FAM107B: variants seen among roughly 807,000 people sequenced by gnomAD.
FAM107B encodes protein FAM107B.
FAM107B carries 21 observed loss-of-function variants against 31.5 expected under a neutral mutation model. The observed-to-expected ratio is 0.67, with a 90% CI of 0.47 to 0.96. The LOEUF (loss-of-function observed/expected upper bound fraction) is 0.96, where lower values mean the gene tolerates loss of function less well. Ranked by LOEUF, FAM107B falls within the 40% of genes least tolerant of loss-of-function variation. The pLI is 0.00. For missense variants in FAM107B, 452 were observed against 377.1 expected (o/e 1.20, Z -1.64); for synonymous variants, 157 against 141.5 (o/e 1.11, Z -0.78).
chr10:14,609,458 A>G (rs12253815), intron 2 of FAM107B, among the ~76,000 whole-genome samples: 1,933 of 152,264 alleles, frequency 0.013, 41 homozygotes, highest in African/African-American at 0.043. Flanking sequence ...CTGTCAGCTG[A>G]GAGCTACTCT....
chr10:14,739,266 G>A (rs900163941), intron 1 of FAM107B, among the ~76,000 whole-genome samples: 3 of 152,160 alleles, frequency 2.0e-5, no homozygotes, highest in Non-Finnish European at 2.9e-5. Flanking sequence ...AATCTGCCAC[G>A]GTGTCCCACC....
At chr10:14,637,856 T>G (rs1853539517) in intron 2 of FAM107B, among the ~76,000 whole-genome samples, 1 of 152,112 alleles carries the variant, frequency 6.6e-6, no homozygotes, top group African/African-American at 2.4e-5. Context: ...TACCTACACC[T>G]GCAAAGAACT....
At chr10:14,618,953 G>A (rs986742206) in intron 2 of FAM107B, among the ~76,000 whole-genome samples, 1 of 152,172 alleles carries the variant, frequency 6.6e-6, no homozygotes, top group African/African-American at 2.4e-5. Context: ...AAACAGACAC[G>A]CAGGAAGAAG....
chr10:14,722,006 T>G (rs1362779357), intron 1 of FAM107B, among the ~76,000 whole-genome samples: 2 of 152,270 alleles, frequency 1.3e-5, no homozygotes, highest in Non-Finnish European at 2.9e-5. Flanking sequence ...TTAATCCATC[T>G]TGAATTAATT....
At chr10:14,534,956 T>C (rs1847457706) in intron 2 of FAM107B, 1 of 152,138 alleles carries the variant, frequency 6.6e-6, no homozygotes, top group South Asian at 2.1e-4. Context: ...TCCACCGCCA[T>C]AAGGTGTAGT....
intron 2 of FAM107B, chr10:14,602,323 T>A (rs371912388): frequency 1.3e-5 from 2 of 152,206 alleles, no homozygotes; most frequent in African/African-American, 4.8e-5. Flanking sequence ...TATTGCATCA[T>A]CCTAATGATC....
chr10:14,529,593 T>C (rs150793239), intron 3 of FAM107B: 18 of 152,276 alleles, frequency 1.2e-4, no homozygotes, highest in Admixed American at 3.9e-4. Context: ...GAGTCATCTA[T>C]AGTCCTACGA....
intron 1 of FAM107B, among the ~76,000 whole-genome samples, chr10:14,718,045 C>T (rs941938287): frequency 1.3e-5 from 2 of 152,022 alleles, no homozygotes; most frequent in African/African-American, 4.8e-5. Flanking sequence ...TATTGAATCT[C>T]ACCAGGCATG....
intron 1 of FAM107B, among the ~76,000 whole-genome samples, chr10:14,741,656 T>C (rs935297392): frequency 1.3e-5 from 2 of 151,984 alleles, no homozygotes; most frequent in East Asian, 1.9e-4. Flanking sequence ...TTTTTTCTTA[T>C]GTTACATGTG....
At chr10:14,741,034 A>G (rs558068428) in intron 1 of FAM107B, among the ~76,000 whole-genome samples, 1 of 152,286 alleles carries the variant, frequency 6.6e-6, no homozygotes, top group East Asian at 1.9e-4. Flanking sequence ...GGCCCTGAGA[A>G]CAGTCAACAG....
chr10:14,762,196 G>A (rs1833062400), intron 1 of FAM107B, among the ~76,000 whole-genome samples: 1 of 152,118 alleles, frequency 6.6e-6, no homozygotes, highest in Admixed American at 6.5e-5. Flanking sequence ...GATGGTGACA[G>A]CACCATTGGG....
intron 2 of FAM107B, 120 bp from the exon 3 acceptor site, chr10:14,530,635 C>G: frequency 3.4e-6 from 3 of 893,234 alleles, no homozygotes; most frequent in Non-Finnish European, 5.1e-6. Context: ...TGAGTCCACT[C>G]TGGGGCATCG....
At chr10:14,570,882 C>G (rs1445240297) in intron 2 of FAM107B, among the ~76,000 whole-genome samples, 1 of 149,506 alleles carries the variant, frequency 6.7e-6, no homozygotes, top group Non-Finnish European at 1.5e-5. Context: ...TTTTTTTAAT[C>G]CACAACTGTG....
chr10:14,641,978 A>G (rs932045727), intron 2 of FAM107B, among the ~76,000 whole-genome samples: 4 of 152,334 alleles, frequency 2.6e-5, no homozygotes, highest in Non-Finnish European at 5.9e-5. Flanking sequence ...GTGAAATTTG[A>G]GGTACAATTT....
At chr10:14,770,143 C>T (rs1332178198) in intron 1 of FAM107B, among the ~76,000 whole-genome samples, 2 of 152,202 alleles carry the variant, frequency 1.3e-5, no homozygotes, top group Non-Finnish European at 2.9e-5. Context: ...CATCAGCAAC[C>T]TCACAGATTG....
chr10:14,611,889 A>T (rs2039016), intron 2 of FAM107B, among the ~76,000 whole-genome samples: 25 of 151,978 alleles, frequency 1.6e-4, no homozygotes, highest in African/African-American at 6.0e-4. Flanking sequence ...TCTCAGCCAC[A>T]AAATACATAT....
chr10:14,755,567 C>T (rs1832911784), intron 1 of FAM107B, among the ~76,000 whole-genome samples: 1 of 151,860 alleles, frequency 6.6e-6, no homozygotes, highest in Non-Finnish European at 1.5e-5. Context: ...CACCATGCTA[C>T]ACACCATCAT....
intron 2 of FAM107B, among the ~76,000 whole-genome samples, chr10:14,621,254 C>CG (rs1321686525): frequency 3.9e-5 from 6 of 152,014 alleles, no homozygotes; most frequent in Non-Finnish European, 7.4e-5. Flanking sequence ...TTTCACATTT[C>CG]GATGTTTTGA....
chr10:14,577,177 T>C lies in FAM107B; in HGVS notation c.470-46662A>G, dbSNP rs1229250991. Among the ~76,000 whole-genome samples, 4 of 152,260 alleles carry C rather than the reference T, an allele frequency of 2.6e-5. No homozygotes were observed. In the East Asian group the frequency reaches 7.7e-4, roughly 29 times the overall value. ...GGGCCCAACTGAGACAATATTCTAA[T>C]TGCGTATTCTCGATGTGTACTTACA... is the stretch of plus-strand genomic sequence containing the variant. On this transcript the variant is annotated intron_variant, in intron 2 of 4. Transcript: ENST00000181796.
Sources: gnomAD v4.1 joint callset for allele counts (sites outside exome capture counted in the v4.1 genomes callset) on GRCh38, gnomAD v4.1.1 for gene constraint, MANE v1.5 for transcripts, NCBI Gene and HGNC (gene_info 2026-07-23, HGNC 2026-07-21) for gene names.